Variants in SLC30A1 observed in about 807,000 individuals in gnomAD.
SLC30A1 encodes the protein proton-coupled zinc antiporter SLC30A1.
A neutral mutation model predicts 29.8 loss-of-function variants in SLC30A1; 7 were observed. That is an observed-to-expected ratio of 0.23 (90% CI 0.13 to 0.44). The LOEUF is 0.44. SLC30A1 is among the 20% of genes least tolerant of loss of function. SLC30A1 has a pLI of 1.00. For missense variants in SLC30A1, 446 were observed against 647.9 expected, an observed-to-expected ratio of 0.69 and a Z score of 3.38; for synonymous variants, 254 against 253.5, an observed-to-expected ratio of 1.00 and a Z score of -0.02.
rs921599870 is a variant in SLC30A1, at chr1:211,578,907, C to T, written c.-295G>A. Among the ~76,000 whole-genome samples, 1 of 152,182 alleles carries T rather than the reference C, an allele frequency of 6.6e-6. No individual in the cohort carries two copies. The highest frequency in any genetic ancestry group is 2.4e-5 in the African/African-American group (1 of 41,458). ...AGCCTCAGCAGCCCCCACACCCAGG[C>T]GGCGGCGGTGGCGGGGAGCTGGGCT... On this transcript the variant is annotated 5_prime_UTR_variant, in exon 1 of 2. Transcript: ENST00000367001.
rs1158395995 is a variant in SLC30A1, at chr1:211,573,729, C to A, written c.*1659G>T. ...ATATCAGATAAGAATATTAAAAGAT[C>A]AAGATGTATTGCAAACTGGCAGGTT... On this transcript the variant is annotated 3_prime_UTR_variant, in exon 2 of 2. Coordinates refer to ENST00000367001, the MANE Select transcript of SLC30A1 (RefSeq NM_021194.3). 1.3e-5 allele frequency: 2 copies of A among 151,966 alleles called. No individual in the cohort carries two copies. The highest frequency in any genetic ancestry group is 4.8e-5 in the African/African-American group (2 of 41,396). 9.4% of individuals were successfully genotyped at this position (151,966 alleles called of 1,614,324 possible). A position where few individuals can be genotyped will look rare whatever the true frequency, so the allele number is the denominator to read the frequency against.
chr1:211,578,441 C>T lies in SLC30A1; in HGVS notation c.172G>A (p.Glu58Lys). 6.2e-7 allele frequency: 1 copy of T among 1,611,962 alleles called. No homozygotes were observed. Among genetic ancestry groups the T allele is most frequent in the Non-Finnish European group, 8.5e-7 (1 of 1,179,432 alleles). ...VLALVVALVA[E>K]RFARRTHATQ... ...GCGTGGGTCCGCCGGGCGAAGCGCT[C>T]GGCCACCAGCGCCACCACCAGCGCC... Residue 58 changes from glutamate to lysine, a missense_variant, in exon 1 of 2, where the codon GAG (glutamate) becomes AAG (lysine). Glu to Lys is a moderately conservative substitution (Grantham distance 56). Transcript: ENST00000367001.
rs774447006 is a variant in SLC30A1, at chr1:211,578,327, T to C, written c.286A>G (p.Ile96Val). Residue 96 changes from isoleucine to valine, a missense_variant, in exon 1 of 2, where the codon ATC (isoleucine) becomes GTC (valine). Ile to Val is a conservative substitution (Grantham distance 29). This residue lies in a region of SLC30A1 where 37 missense variants were observed against 64.0 expected (regional missense o/e 0.58). Coordinates refer to ENST00000367001, the MANE Select transcript of SLC30A1 (RefSeq NM_021194.3). ...AAGCGCTCGATGGCCTCCAGCAGGA[T>C]GGCGAAACAGAGGCCAGTCAGGAAG... is the stretch of plus-strand genomic sequence containing the variant. Reference protein sequence around the residue: ...AIFLTGLCFAILLEAIERFIE... With the variant: ...AIFLTGLCFAVLLEAIERFIE... 5 of 1,613,498 alleles carry C rather than the reference T, an allele frequency of 3.1e-6. No homozygotes were observed. Among genetic ancestry groups the C allele is most frequent in the Non-Finnish European group, 4.2e-6 (5 of 1,179,934 alleles).
chr1:211,575,520 T>C lies in SLC30A1; in HGVS notation c.1392A>G (p.Ala464=). ...TAAGTTCTAAACAAGAAATGCTAAC[T>C]GCTGGGGTCTTTTCTGCATCCTTTC... ...PSGKDAEKTP[A]VSISCLELSN... The change falls in exon 2 of 2, where the codon GCA becomes GCG. Residue 464 remains alanine, a synonymous_variant. Transcript: ENST00000367001. The surrounding 1 kb of genome is among the most constrained non-coding windows in gnomAD (Gnocchi z 6.0). The C allele has an allele frequency of 6.2e-7, 1 of 1,614,206 alleles. No individual in the cohort carries two copies. Among genetic ancestry groups the C allele is most frequent in the Non-Finnish European group, 8.5e-7 (1 of 1,180,020 alleles).
chr1:211,575,228 C>A lies in SLC30A1; in HGVS notation c.*160G>T. The A allele has an allele frequency of 1.6e-6, 1 of 636,384 alleles. No homozygotes were observed. The highest frequency in any genetic ancestry group is 2.7e-6 in the Non-Finnish European group (1 of 368,488). 39.4% of individuals were successfully genotyped at this position (636,384 alleles called of 1,614,324 possible). ...ATAATCACAAAATTGTAATATAGAA[C>A]TCTGTTATGCAGTCCCATTATGTTC... On this transcript the variant is annotated 3_prime_UTR_variant, in exon 2 of 2. Coordinates refer to ENST00000367001, the MANE Select transcript of SLC30A1 (RefSeq NM_021194.3). This position sits in a 1 kb window ranked among gnomAD's most constrained non-coding sequence, Gnocchi z 6.0.
Position 211,577,893 on chromosome 1 carries a change from C to G in SLC30A1, c.622+98G>C. ...AGGGGCGGCGCGGCGCAGGCCCGCTCGGGCAGCAGGGGGCGTGCGGGCCAC... is the reference window on the plus strand; with the variant it reads ...AGGGGCGGCGCGGCGCAGGCCCGCTGGGGCAGCAGGGGGCGTGCGGGCCAC... On this transcript the variant is annotated intron_variant, in intron 1 of 1. Coordinates refer to ENST00000367001, the MANE Select transcript of SLC30A1 (RefSeq NM_021194.3). This position sits in a 1 kb window ranked among gnomAD's most constrained non-coding sequence, Gnocchi z 4.5. The G allele has an allele frequency of 6.6e-7, 1 of 1,510,552 alleles. No homozygotes were observed. The highest frequency in any genetic ancestry group is 8.9e-7 in the Non-Finnish European group (1 of 1,122,826). The allele number at this position is 1,510,552 out of a possible 1,614,324, so 93.6% of individuals were successfully genotyped here.
At position 211,576,198 on chromosome 1, in the gene SLC30A1, A is replaced by G. The variant is rs1156827678; in HGVS notation, c.714T>C (p.Asp238=). The G allele has an allele frequency of 6.2e-7, 1 of 1,613,406 alleles. No individual in the cohort carries two copies. The highest frequency in any genetic ancestry group is 1.3e-5 in the African/African-American group (1 of 74,926). The stretch of plus-strand genomic sequence containing the variant: ...CACGCATGTTAAGTTGTCCAGCCCT[A>G]TCTTCTTCCAGTTCCATATGGTCAG... ...REPDHMELEE[D]RAGQLNMRGV... is the part of the protein sequence containing the mutation. Residue 238 remains aspartate, a synonymous_variant, in exon 2 of 2, where the codon GAT becomes GAC. Coordinates refer to ENST00000367001, the MANE Select transcript of SLC30A1 (RefSeq NM_021194.3).
chr1:211,573,327 CA>C lies in SLC30A1; in HGVS notation c.*2060del, dbSNP rs550038146. The C allele has an allele frequency of 1.7e-4, 26 of 152,058 alleles. No individual in the cohort carries two copies. The highest frequency in any genetic ancestry group is 1.5e-3 in the East Asian group (8 of 5,180). The allele number at this position is 152,058 out of a possible 1,614,324, so 9.4% of individuals were successfully genotyped here. ...TTATCTTCAAAGCACTTTTGAAAAA[CA>C]AACAAACATAGCCCTTGTCCTATGC... On this transcript the variant is annotated 3_prime_UTR_variant, in exon 2 of 2. Coordinates refer to ENST00000367001, the MANE Select transcript of SLC30A1 (RefSeq NM_021194.3).
rs996319873 is a variant in SLC30A1, at chr1:211,577,717, G to T, written c.622+274C>A. On this transcript the variant is annotated intron_variant, in intron 1 of 1. Coordinates refer to ENST00000367001, the MANE Select transcript of SLC30A1 (RefSeq NM_021194.3). The surrounding 1 kb of genome is among the most constrained non-coding windows in gnomAD (Gnocchi z 4.5). Reference sequence around the variant, plus strand: ...CGGGTGTGGACTGCAGCGGGATGATGATCACCTCCTGACCCTTTTTCTTAG... The same window carrying T: ...CGGGTGTGGACTGCAGCGGGATGATTATCACCTCCTGACCCTTTTTCTTAG... Among the ~76,000 whole-genome samples, 1 of 152,208 alleles carries T rather than the reference G, an allele frequency of 6.6e-6. No homozygotes were observed. Among genetic ancestry groups the T allele is most frequent in the African/African-American group, 2.4e-5 (1 of 41,446 alleles).
Position 211,575,284 on chromosome 1 carries a change from G to T in SLC30A1, c.*104C>A. On this transcript the variant is annotated 3_prime_UTR_variant, in exon 2 of 2. Transcript: ENST00000367001. This position sits in a 1 kb window ranked among gnomAD's most constrained non-coding sequence, Gnocchi z 6.0. ...AAAATAGAATTAAACTGTGTGACCA[G>T]ACAAGGACTTCAATTACACTACTTG... The T allele has an allele frequency of 1.1e-6, 1 of 906,348 alleles. No individual in the cohort carries two copies. Among genetic ancestry groups the T allele is most frequent in the Non-Finnish European group, 1.7e-6 (1 of 585,072 alleles). 56.1% of individuals were successfully genotyped at this position (906,348 alleles called of 1,614,324 possible). A position where few individuals can be genotyped will look rare whatever the true frequency, so the allele number is the denominator to read the frequency against.
rs1031134242 is a variant in SLC30A1, at chr1:211,573,565, T to A, written c.*1823A>T. 1.1e-4 allele frequency: 17 copies of A among 152,074 alleles called. No individual in the cohort carries two copies. The highest frequency in any genetic ancestry group is 3.9e-4 in the African/African-American group (16 of 41,452). The allele number at this position is 152,074 out of a possible 1,614,324, so 9.4% of individuals were successfully genotyped here. A position where few individuals can be genotyped will look rare whatever the true frequency, so the allele number is the denominator to read the frequency against. On this transcript the variant is annotated 3_prime_UTR_variant, in exon 2 of 2. Transcript: ENST00000367001. ...GTTCTGTAAAGTATTAAATCAGGAA[T>A]GTACATGATACAGTACAATTCACAG...
rs983970435 is a variant in SLC30A1 at position 211,574,269 on chromosome 1, C to G, written c.*1119G>C. ...ATTGGAAGATCTGAGTATGTGAAGA[C>G]AGGATGACTTACAAAATCTTAATTA... On this transcript the variant is annotated 3_prime_UTR_variant, in exon 2 of 2. Transcript: ENST00000367001. The G allele has an allele frequency of 4.6e-5, 7 of 151,964 alleles. No individual in the cohort carries two copies. Among genetic ancestry groups the G allele is most frequent in the Non-Finnish European group, 7.4e-5 (5 of 67,894 alleles). The allele number at this position is 151,964 out of a possible 1,614,324, so 9.4% of individuals were successfully genotyped here. A position where few individuals can be genotyped will look rare whatever the true frequency, so the allele number is the denominator to read the frequency against.
At position 211,578,920 on chromosome 1, in the gene SLC30A1, G is replaced by A. The variant is rs1039141917; in HGVS notation, c.-308C>T. Among the ~76,000 whole-genome samples, 4 of 152,272 alleles carry A rather than the reference G, an allele frequency of 2.6e-5. No individual in the cohort carries two copies. Among genetic ancestry groups the A allele is most frequent in the African/African-American group, 9.6e-5 (4 of 41,562 alleles). ...CCCACACCCAGGCGGCGGCGGTGGC[G>A]GGGAGCTGGGCTCCCGGAGCCGGGG... On this transcript the variant is annotated 5_prime_UTR_variant, in exon 1 of 2. Coordinates refer to ENST00000367001, the MANE Select transcript of SLC30A1 (RefSeq NM_021194.3).
Position 211,578,749 on chromosome 1 carries a change from C to G in SLC30A1, c.-137G>C, listed in dbSNP as rs1034354030. Reference sequence around the variant, plus strand: ...GTTCGGGAAACCGCTGAGGGGCCCCCGCGGCCGCACGGGGACAAGCCCGGG... The same window carrying G: ...GTTCGGGAAACCGCTGAGGGGCCCCGGCGGCCGCACGGGGACAAGCCCGGG... On this transcript the variant is annotated 5_prime_UTR_variant, in exon 1 of 2. Coordinates refer to ENST00000367001, the MANE Select transcript of SLC30A1 (RefSeq NM_021194.3). 1.8e-5 allele frequency: 14 copies of G among 796,266 alleles called. No homozygotes were observed. The highest frequency in any genetic ancestry group is 4.0e-4 in the Middle Eastern group (1 of 2,530). The allele number at this position is 796,266 out of a possible 1,614,324, so 49.3% of individuals were successfully genotyped here. A position where few individuals can be genotyped will look rare whatever the true frequency, so the allele number is the denominator to read the frequency against.
rs1397463979 is a variant in SLC30A1, at chr1:211,578,700, A to G, written c.-88T>C. 3 of 1,322,454 alleles carry G rather than the reference A, an allele frequency of 2.3e-6. No homozygotes were observed. The highest frequency in any genetic ancestry group is 2.9e-6 in the Non-Finnish European group (3 of 1,019,372). The allele number at this position is 1,322,454 out of a possible 1,614,324, so 81.9% of individuals were successfully genotyped here. A position where few individuals can be genotyped will look rare whatever the true frequency, so the allele number is the denominator to read the frequency against. On this transcript the variant is annotated 5_prime_UTR_variant, in exon 1 of 2. Transcript: ENST00000367001. The stretch of plus-strand genomic sequence containing the variant: ...GACGCGGAGGGTCGGCGACCGCGAC[A>G]CGGAGGAGCGCCCGAGTCGGGCCGT...
In SLC30A1 at chr1:211,575,102, T is replaced by G. The variant is rs922314706; in HGVS notation, c.*286A>C. ...ATGGGAAAAATCCAGAAATCAAATG[T>G]CATTATGTTATATAAGGTTTAACTT... On this transcript the variant is annotated 3_prime_UTR_variant, in exon 2 of 2. Coordinates refer to ENST00000367001, the MANE Select transcript of SLC30A1 (RefSeq NM_021194.3). This position sits in a 1 kb window ranked among gnomAD's most constrained non-coding sequence, Gnocchi z 6.0. The G allele has an allele frequency of 4.3e-6, 1 of 233,782 alleles. No homozygotes were observed. The highest frequency in any genetic ancestry group is 5.2e-5 in the Admixed American group (1 of 19,260). The allele number at this position is 233,782 out of a possible 1,614,324, so 14.5% of individuals were successfully genotyped here.
Position 211,575,811 on chromosome 1 carries a change from C to T in SLC30A1, c.1101G>A (p.Glu367=), listed in dbSNP as rs1706710919. ...IKELRNVEGV[E]EVHELHVWQL... ...GCCAAACATGTAATTCATGAACTTC[C>T]TCAACTCCTTCAACATTTCGAAGTT... Residue 367 remains glutamate (E), a synonymous_variant, in exon 2 of 2, where the codon GAG becomes GAA. Coordinates refer to ENST00000367001, the MANE Select transcript of SLC30A1 (RefSeq NM_021194.3). This position sits in a 1 kb window ranked among gnomAD's most constrained non-coding sequence, Gnocchi z 6.0. 1 of 1,614,102 alleles carries T rather than the reference C, an allele frequency of 6.2e-7. No homozygotes were observed. The highest frequency in any genetic ancestry group is 8.5e-7 in the Non-Finnish European group (1 of 1,179,972).
At chr1:211,576,344 T>C in intron 1 of SLC30A1, 55 bp from the exon 2 acceptor site, 2 of 1,174,414 alleles carry the variant, frequency 1.7e-6, no homozygotes, top group Non-Finnish European at 1.2e-6. Flanking sequence ...TATATAAACA[T>C]CCTTGTCTAA....
At position 211,577,225 on chromosome 1, in the gene SLC30A1, T is replaced by C. The variant is rs575958116; in HGVS notation, c.622+766A>G. Among the ~76,000 whole-genome samples, 2 of 152,338 alleles carry C rather than the reference T, an allele frequency of 1.3e-5. No individual in the cohort carries two copies. Among genetic ancestry groups the C allele is most frequent in the East Asian group, 3.9e-4 (2 of 5,190 alleles). On this transcript the variant is annotated intron_variant, in intron 1 of 1. Transcript: ENST00000367001. This position sits in a 1 kb window ranked among gnomAD's most constrained non-coding sequence, Gnocchi z 4.5. ...TAGGACACTGGTTGAGTCATTTCCA[T>C]CTCCTTTCTTTCAACATTTATTTTC...
Sources: gnomAD v4.1 joint callset for allele counts (sites outside exome capture counted in the v4.1 genomes callset) on GRCh38, gnomAD v4.1.1 for gene constraint, gnomAD v4.1.1 regional missense constraint, Gnocchi (gnomAD v3.1) non-coding constraint, MANE v1.5 for transcripts, NCBI Gene and HGNC (gene_info 2026-07-23, HGNC 2026-07-21) for gene names.